Variants in TRPM6 observed in about 807,000 individuals in gnomAD.
The protein encoded by TRPM6 is channel kinase 2.
Under a neutral mutation model 247.6 loss-of-function variants are expected in TRPM6, and 111 were observed. That is an observed-to-expected ratio of 0.45 (90% CI 0.38 to 0.52). TRPM6 has a LOEUF of 0.52. TRPM6 is among the 20% of genes least tolerant of loss of function. The pLI is 0.00. For missense variants in TRPM6, 2,126 were observed against 2,421.5 expected, an observed-to-expected ratio of 0.88 and a Z score of 2.56; for synonymous variants, 892 against 853.8, an observed-to-expected ratio of 1.04 and a Z score of -0.78.
At chr9:74,873,843 G>A in intron 1 of TRPM6, among the ~76,000 whole-genome samples, 1 of 151,596 alleles carries the variant, frequency 6.6e-6, no homozygotes, top group East Asian at 1.9e-4. Flanking sequence ...TTTAGGGTAG[G>A]GTACAGACAA....
intron 11 of TRPM6, among the ~76,000 whole-genome samples, chr9:74,815,786 G>A (rs982837586): frequency 1.3e-5 from 2 of 152,226 alleles, no homozygotes; most frequent in Non-Finnish European, 2.9e-5. Flanking sequence ...GCAGGGCAGA[G>A]AACTACCATC....
intron 27 of TRPM6, 43 bp from the exon 28 acceptor site, chr9:74,755,516 A>G: frequency 6.2e-7 from 1 of 1,612,532 alleles, no homozygotes; most frequent in East Asian, 2.2e-5. Context: ...ACATTAATTC[A>G]AAAGCACTGT....
chr9:74,779,398 A>G (rs563375472), intron 23 of TRPM6, among the ~76,000 whole-genome samples: 12 of 152,352 alleles, frequency 7.9e-5, no homozygotes, highest in African/African-American at 2.9e-4. Flanking sequence ...AAGAGAGATG[A>G]TGACTATCAT....
At chr9:74,830,839 C>T (rs1436349493) in intron 6 of TRPM6, among the ~76,000 whole-genome samples, 4 of 146,314 alleles carry the variant, frequency 2.7e-5, no homozygotes, top group East Asian at 2.1e-4. Flanking sequence ...TCAAGCAATC[C>T]GCCGGCCTCG....
At chr9:74,750,852 T>A in intron 29 of TRPM6, 130 bp from the exon 30 acceptor site, 1 of 844,794 alleles carries the variant, frequency 1.2e-6, no homozygotes, top group East Asian at 2.6e-5. Context: ...TATTCTTCTT[T>A]TAAAAAACAT....
intron 1 of TRPM6, among the ~76,000 whole-genome samples, chr9:74,881,840 T>C (rs1346749325): frequency 6.6e-6 from 1 of 152,172 alleles, no homozygotes; most frequent in African/African-American, 2.4e-5. Context: ...AGCATGCTAT[T>C]GGTATAAAAA....
At chr9:74,725,347 T>C (rs1486887745) in intron 38 of TRPM6, among the ~76,000 whole-genome samples, 8 of 152,228 alleles carry the variant, frequency 5.3e-5, no homozygotes, top group African/African-American at 1.9e-4. Context: ...TTGTATTTGC[T>C]AGCCTAGAAC....
chr9:74,830,380 T>G (rs957967737), intron 6 of TRPM6, among the ~76,000 whole-genome samples: 4 of 151,994 alleles, frequency 2.6e-5, no homozygotes, highest in African/African-American at 9.7e-5. Context: ...TTTGGGGTTT[T>G]TTTGTTTGTT....
intron 1 of TRPM6, among the ~76,000 whole-genome samples, chr9:74,870,260 G>C (rs966446933): frequency 6.6e-6 from 1 of 152,146 alleles, no homozygotes. Context: ...GCCCCATGGG[G>C]AATATAATAT....
At chr9:74,725,035 G>A (rs561746523) in intron 38 of TRPM6, among the ~76,000 whole-genome samples, 13 of 152,306 alleles carry the variant, frequency 8.5e-5, no homozygotes, top group African/African-American at 3.1e-4. Context: ...TCTGGCCAGA[G>A]TTAAGTAAGA....
At chr9:74,856,516 TA>T (rs2118348621) in intron 2 of TRPM6, among the ~76,000 whole-genome samples, 1 of 151,740 alleles carries the variant, frequency 6.6e-6, no homozygotes, top group South Asian at 2.1e-4. Context: ...GAAGTCTAGT[TA>T]AAATAATGGA....
chr9:74,737,296 T>G, intron 36 of TRPM6: 1 of 1,131,230 alleles, frequency 8.8e-7, no homozygotes, highest in Non-Finnish European at 1.2e-6. Flanking sequence ...GTTTAAAAAT[T>G]TGTGTCACAT....
chr9:74,814,310 C>T (rs1828849081), intron 11 of TRPM6, among the ~76,000 whole-genome samples: 1 of 150,654 alleles, frequency 6.6e-6, no homozygotes, highest in Non-Finnish European at 1.5e-5. Context: ...GGGAAGAGTA[C>T]TGAGGGGGAT....
chr9:74,809,945 C>T (rs1276249355), intron 13 of TRPM6, among the ~76,000 whole-genome samples: 1 of 140,696 alleles, frequency 7.1e-6, no homozygotes, highest in African/African-American at 2.7e-5. Context: ...CATCATTGCA[C>T]TCCAGCCTGG....
intron 1 of TRPM6, among the ~76,000 whole-genome samples, chr9:74,879,077 A>G (rs1471172449): frequency 6.6e-6 from 1 of 152,108 alleles, no homozygotes; most frequent in Non-Finnish European, 1.5e-5. Context: ...AATACAAAGA[A>G]ATCAGAAAAT....
intron 19 of TRPM6, among the ~76,000 whole-genome samples, chr9:74,790,901 C>G (rs994240714): frequency 6.6e-6 from 1 of 152,208 alleles, no homozygotes; most frequent in Non-Finnish European, 1.5e-5. Context: ...AAAGTGGCAT[C>G]ACATAAAGGC....
chr9:74,810,700 G>C (rs938820584), intron 13 of TRPM6, 115 bp downstream of exon 13: 27 of 869,940 alleles, frequency 3.1e-5, no homozygotes, highest in Non-Finnish European at 4.3e-5. Flanking sequence ...AAAGAAGATA[G>C]GTAATTAACA....
intron 17 of TRPM6, among the ~76,000 whole-genome samples, chr9:74,799,091 T>C (rs908974612): frequency 6.6e-5 from 10 of 152,176 alleles, no homozygotes; most frequent in Admixed American, 2.6e-4. Context: ...AAGCAAATCA[T>C]TGGAGAACTT....
At chr9:74,774,523 T>A (rs1331523403) in intron 24 of TRPM6, among the ~76,000 whole-genome samples, 1 of 151,880 alleles carries the variant, frequency 6.6e-6, no homozygotes, top group African/African-American at 2.4e-5. Context: ...GGAGAAAAAA[T>A]ACTTCACAGA....
Sources: allele counts gnomAD v4.1 joint callset (sites outside exome capture counted in the v4.1 genomes callset), GRCh38; gene constraint gnomAD v4.1.1; transcripts MANE v1.5; gene names NCBI Gene and HGNC (gene_info 2026-07-23, HGNC 2026-07-21).